The following RTN1 variants were observed in gnomAD, a reference collection of about 807,000 sequenced individuals.
RTN1 encodes the protein reticulon 1, also known as reticulon-1.
RTN1 carries 25 observed loss-of-function variants against 65.5 expected under a neutral mutation model. The observed-to-expected ratio is 0.38, with a 90% CI of 0.28 to 0.53. The LOEUF (loss-of-function observed/expected upper bound fraction) is 0.53. RTN1 is among the 20% of genes least tolerant of loss of function. The pLI is 0.79. For synonymous variants in RTN1, 471 were observed against 447.6 expected, an observed-to-expected ratio of 1.05 and a Z score of -0.66; for missense variants, 983 against 1,025.4, an observed-to-expected ratio of 0.96 and a Z score of 0.57.
intron 3 of RTN1, among the ~76,000 whole-genome samples, chr14:59,707,202 A>G (rs915806787): frequency 1.3e-5 from 2 of 152,236 alleles, no homozygotes; most frequent in Non-Finnish European, 2.9e-5. Flanking sequence ...TTCATGGTTA[A>G]TGTTGAAACA....
intron 3 of RTN1, among the ~76,000 whole-genome samples, chr14:59,670,210 A>T (rs1377439117): frequency 6.6e-6 from 1 of 152,246 alleles, no homozygotes; most frequent in Non-Finnish European, 1.5e-5. Context: ...TTTCCTTTGC[A>T]GAATGTGCAT....
In RTN1 at chr14:59,829,493, G is replaced by C. The variant is rs555298933; in HGVS notation, c.241+40897C>G. Reference sequence around the variant, plus strand: ...ACCCATGGGGGAAGTACTGAAGAAGGCTATATGGGATTTTTCTCTATTATT... The same window carrying C: ...ACCCATGGGGGAAGTACTGAAGAAGCCTATATGGGATTTTTCTCTATTATT... On this transcript the variant is annotated intron_variant, in intron 1 of 8. Coordinates refer to ENST00000267484, the MANE Select transcript of RTN1 (RefSeq NM_021136.3). The surrounding 1 kb of genome is among the most constrained non-coding windows in gnomAD (Gnocchi z 4.3). Among the ~76,000 whole-genome samples the C allele has an allele frequency of 6.9e-4, 105 of 152,324 alleles. No homozygotes were observed. The highest frequency in any genetic ancestry group is 2.4e-3 in the African/African-American group (101 of 41,568).
chr14:59,822,010 G>C (rs1036959847), intron 1 of RTN1, among the ~76,000 whole-genome samples: 6 of 152,162 alleles, frequency 3.9e-5, no homozygotes, highest in African/African-American at 1.4e-4. Context: ...TTTTGTGTCA[G>C]ATTAATGTTG....
At chr14:59,776,549 ATGGGC>A in intron 1 of RTN1, among the ~76,000 whole-genome samples, 1 of 152,264 alleles carries the variant, frequency 6.6e-6, no homozygotes, top group Non-Finnish European at 1.5e-5. Context: ...GCAACATGAA[ATGGGC>A]TAAGACATTC....
rs200434592 is a variant in RTN1, at chr14:59,728,249, CTTTTTTTTTTT to C, written c.1016-592_1016-582del. 2.1e-4 allele frequency among the ~76,000 whole-genome samples: 26 copies of C among 124,202 alleles called. No individual in the cohort carries two copies. The East Asian group carries it at 4.7e-3, about 23-fold the overall frequency. 81.5% of individuals were successfully genotyped at this position (124,202 alleles called of 152,430 possible). ...TTATATTTCCAATAAGAATCAGTAT[CTTTTTTTTTTT>C]TTTTTTTTTTTTTTGCAACTAAGTG... On this transcript the variant is annotated intron_variant, in intron 2 of 8. Transcript: ENST00000267484.
intron 1 of RTN1, among the ~76,000 whole-genome samples, chr14:59,779,057 G>A (rs1468248965): frequency 1.3e-5 from 2 of 152,166 alleles, no homozygotes; most frequent in African/African-American, 2.4e-5. Flanking sequence ...ATCAGAATAG[G>A]AGAGTACACA....
chr14:59,810,325 C>A (rs2139611838), intron 1 of RTN1, among the ~76,000 whole-genome samples: 1 of 152,314 alleles, frequency 6.6e-6, no homozygotes, highest in Non-Finnish European at 1.5e-5. Flanking sequence ...GTGACACAAA[C>A]TTGCTGTGTG....
intron 1 of RTN1, among the ~76,000 whole-genome samples, chr14:59,786,514 A>G (rs1317556205): frequency 6.6e-6 from 1 of 152,208 alleles, no homozygotes; most frequent in Non-Finnish European, 1.5e-5. Flanking sequence ...ACATATTAGT[A>G]TTATTATTGC....
chr14:59,644,995 T>A (rs2140194486), intron 3 of RTN1, among the ~76,000 whole-genome samples: 1 of 152,080 alleles, frequency 6.6e-6, no homozygotes, highest in Admixed American at 6.5e-5. Flanking sequence ...TTTCACAGCC[T>A]TAGCTCTTCT....
Position 59,794,547 on chromosome 14 carries a change from A to C in RTN1, c.242-48066T>G, listed in dbSNP as rs748709848. ...AACATCTTCCTCCTGCTTCCCAACT[A>C]TATTAGAATACAGTTTTAATTACTG... On this transcript the variant is annotated intron_variant, in intron 1 of 8. Transcript: ENST00000267484. This position sits in a 1 kb window ranked among gnomAD's most constrained non-coding sequence, Gnocchi z 5.1. Among the ~76,000 whole-genome samples, 24 of 152,128 alleles carry C rather than the reference A, an allele frequency of 1.6e-4. No individual in the cohort carries two copies. Among genetic ancestry groups the C allele is most frequent in the Non-Finnish European group, 3.2e-4 (22 of 68,018 alleles).
At chr14:59,749,164 C>CTA (rs1363556505) in intron 1 of RTN1, among the ~76,000 whole-genome samples, 3 of 80,162 alleles carry the variant, frequency 3.7e-5, no homozygotes, top group African/African-American at 1.5e-4. Context: ...CTATATCTAT[C>CTA]TATATATCTA....
Position 59,802,612 on chromosome 14 carries a change from T to C in RTN1, c.242-56131A>G, listed in dbSNP as rs370842238. On this transcript the variant is annotated intron_variant, in intron 1 of 8. Coordinates refer to ENST00000267484, the MANE Select transcript of RTN1 (RefSeq NM_021136.3). ...ATGGCATTTGGAATTTAGTAGTGTATTTAGAATTTCTATATTTAGCAGTTA... is the reference window on the plus strand; with the variant it reads ...ATGGCATTTGGAATTTAGTAGTGTACTTAGAATTTCTATATTTAGCAGTTA... Among the ~76,000 whole-genome samples the C allele has an allele frequency of 3.3e-5, 5 of 152,210 alleles. No individual in the cohort carries two copies. The East Asian group carries it at 5.8e-4, about 18-fold the overall frequency.
At chr14:59,674,029 T>C (rs1173284190) in intron 3 of RTN1, among the ~76,000 whole-genome samples, 2 of 152,234 alleles carry the variant, frequency 1.3e-5, no homozygotes, top group Non-Finnish European at 2.9e-5. Flanking sequence ...ATAAAGATAT[T>C]GAGCAGTTTC....
chr14:59,799,733 G>A (rs138066063), intron 1 of RTN1, among the ~76,000 whole-genome samples: 125 of 152,212 alleles, frequency 8.2e-4, no homozygotes, highest in Non-Finnish European at 1.2e-3. Context: ...ACCAGGTGCC[G>A]GGAGGCAAAC....
intron 1 of RTN1, among the ~76,000 whole-genome samples, chr14:59,797,898 A>C (rs1886468456): frequency 6.6e-6 from 1 of 152,220 alleles, no homozygotes; most frequent in East Asian, 1.9e-4. Flanking sequence ...CAACATTTTA[A>C]AAGACTTTTA....
chr14:59,631,359 G>A (rs1343098069), intron 3 of RTN1, among the ~76,000 whole-genome samples: 1 of 152,202 alleles, frequency 6.6e-6, no homozygotes, highest in African/African-American at 2.4e-5. Context: ...GGTCAATGCA[G>A]TGACAATCCA....
chr14:59,664,555 A>T (rs1219790938), intron 3 of RTN1, among the ~76,000 whole-genome samples: 1 of 152,170 alleles, frequency 6.6e-6, no homozygotes, highest in African/African-American at 2.4e-5. Context: ...AGTCTTGAGA[A>T]ATATAACTCA....
intron 3 of RTN1, among the ~76,000 whole-genome samples, chr14:59,664,883 T>A (rs1883333684): frequency 6.6e-6 from 1 of 152,172 alleles, no homozygotes; most frequent in Non-Finnish European, 1.5e-5. Flanking sequence ...AGTCACAGGA[T>A]AATTATATGT....
chr14:59,709,671 C>T (rs113589159), intron 3 of RTN1, among the ~76,000 whole-genome samples: 1,582 of 152,178 alleles, frequency 0.01, 28 homozygotes, highest in African/African-American at 0.034. Flanking sequence ...TCCAGGCAGA[C>T]AAAAAATTGC....
Sources: allele counts gnomAD v4.1 joint callset (sites outside exome capture counted in the v4.1 genomes callset), GRCh38; gene constraint gnomAD v4.1.1; non-coding constraint Gnocchi (gnomAD v3.1); transcripts MANE v1.5; gene names NCBI Gene and HGNC (gene_info 2026-07-23, HGNC 2026-07-21).